Variants in KIAA0825 observed in about 807,000 individuals in gnomAD.
The protein encoded by KIAA0825 is KIAA0825, also known as uncharacterized protein KIAA0825.
KIAA0825 carries 119 observed loss-of-function variants against 147.6 expected under a neutral mutation model. The observed-to-expected ratio is 0.81, with a 90% CI of 0.69 to 0.94. The LOEUF is 0.94. KIAA0825 is among the 40% of genes least tolerant of loss of function. The probability of loss-of-function intolerance (pLI) is 0.00; values close to 1 mark genes in which losing one functional copy is unlikely to be tolerated. For missense variants in KIAA0825, 1,381 were observed against 1,472.7 expected (o/e 0.94, Z 1.02); for synonymous variants, 470 against 518.1 (o/e 0.91, Z 1.26).
intron 18 of KIAA0825, among the ~76,000 whole-genome samples, chr5:94,389,752 T>A (rs1749649490): frequency 6.6e-6 from 1 of 152,230 alleles, no homozygotes; most frequent in Non-Finnish European, 1.5e-5. Flanking sequence ...AAAGCAGTCA[T>A]AAGTACTATG....
chr5:94,359,721 GT>G lies in KIAA0825; in HGVS notation c.3710+24646del, dbSNP rs1294667015. Among the ~76,000 whole-genome samples the G allele has an allele frequency of 3.3e-5, 5 of 152,202 alleles. No individual in the cohort carries two copies. The East Asian group carries it at 7.7e-4, about 23-fold the overall frequency. On this transcript the variant is annotated intron_variant, in intron 20 of 20. Transcript: ENST00000682413. ...CTTCAGTAAGTCCCTCAAAACAAAT[GT>G]TTTCTAAACCATGAAATGGGAAAAT... is the stretch of plus-strand genomic sequence containing the variant.
rs1174154022 is a variant in KIAA0825, at chr5:94,214,868, CAACA to C, written c.3711-60748_3711-60745del. On this transcript the variant is annotated intron_variant, in intron 20 of 20. Transcript: ENST00000682413. ...GCCTGAGTTTTGAGGAAAAAACAAC[CAACA>C]AACAAACAACAAAACAAAATAAGAA... Among the ~76,000 whole-genome samples, 3 of 152,054 alleles carry C rather than the reference CAACA, an allele frequency of 2.0e-5. No individual in the cohort carries two copies. In the East Asian group the frequency reaches 5.8e-4, roughly 29 times the overall value.
rs893710243 is a variant in KIAA0825 at position 94,537,206 on chromosome 5, C to T, written c.-1-79G>A. On this transcript the variant is annotated intron_variant, in intron 2 of 20. Coordinates refer to ENST00000682413, the MANE Select transcript of KIAA0825 (RefSeq NM_001145678.3). ...GATAGGGGTGGGCAGAAATTCACCT[C>T]AAGTTGTGATACTAAACCAAAAATA... The T allele has an allele frequency of 6.8e-6, 8 of 1,174,894 alleles. 1 individual carries two copies. The highest frequency in any genetic ancestry group is 2.5e-5 in the Admixed American group (1 of 40,334). The allele number at this position is 1,174,894 out of a possible 1,614,324, so 72.8% of individuals were successfully genotyped here. A position where few individuals can be genotyped will look rare whatever the true frequency, so the allele number is the denominator to read the frequency against.
At chr5:94,594,821 C>T (rs1784977547) in intron 1 of KIAA0825, 1 of 445,590 alleles carries the variant, frequency 2.2e-6, no homozygotes, top group Non-Finnish European at 4.3e-6. Flanking sequence ...TGAGTGTTAT[C>T]ATGTGTCACA....
rs115172270 is a variant in KIAA0825, at chr5:94,606,178, C to T, written c.-153+12322G>A. ...TCACAAATGCCACAAAAATAAAATA[C>T]CTAAAAATACAGTTAACCAAGGAGG... On this transcript the variant is annotated intron_variant, in intron 1 of 20. Coordinates refer to ENST00000682413, the MANE Select transcript of KIAA0825 (RefSeq NM_001145678.3). 3.9e-3 allele frequency among the ~76,000 whole-genome samples: 587 copies of T among 152,140 alleles called. 2 individuals are homozygous for T. Among genetic ancestry groups the T allele is most frequent in the African/African-American group, 0.014 (566 of 41,512 alleles).
Position 94,580,065 on chromosome 5 carries a change from G to A in KIAA0825, c.-2+2368C>T, listed in dbSNP as rs1004479434. On this transcript the variant is annotated intron_variant, in intron 2 of 20. Transcript: ENST00000682413. Reference sequence around the variant, plus strand: ...CCAATGTGTAGGAAAAGTAGAGTTAGGACCACAAATGAAGATAAAATTTCA... The same window carrying A: ...CCAATGTGTAGGAAAAGTAGAGTTAAGACCACAAATGAAGATAAAATTTCA... Among the ~76,000 whole-genome samples, 3 of 152,022 alleles carry A rather than the reference G, an allele frequency of 2.0e-5. No homozygotes were observed. The East Asian group carries it at 5.8e-4, about 29-fold the overall frequency.
chr5:94,525,406 G>C (rs1769080713), intron 3 of KIAA0825, among the ~76,000 whole-genome samples: 2 of 151,824 alleles, frequency 1.3e-5, no homozygotes, highest in South Asian at 4.1e-4. Flanking sequence ...AAATTACCTT[G>C]AAACAAATAC....
chr5:94,462,264 T>C (rs1449498495), intron 12 of KIAA0825, 123 bp downstream of exon 12: 3 of 566,524 alleles, frequency 5.3e-6, no homozygotes, highest in East Asian at 6.4e-5. Flanking sequence ...GTTCACAGTA[T>C]CAAAAATGCA....
intron 20 of KIAA0825, among the ~76,000 whole-genome samples, chr5:94,165,819 G>C (rs1336507669): frequency 6.6e-6 from 1 of 152,146 alleles, no homozygotes; most frequent in African/African-American, 2.4e-5. Context: ...TGAACTCATG[G>C]ACATAGAGAG....
At chr5:94,321,523 T>C (rs1269599991) in intron 20 of KIAA0825, among the ~76,000 whole-genome samples, 2 of 151,992 alleles carry the variant, frequency 1.3e-5, no homozygotes, top group Non-Finnish European at 2.9e-5. Context: ...TAGAAGATGG[T>C]AGAGCTGAGA....
intron 6 of KIAA0825, among the ~76,000 whole-genome samples, chr5:94,479,441 A>G (rs1056318111): frequency 6.6e-5 from 10 of 152,176 alleles, no homozygotes; most frequent in Middle Eastern, 3.4e-3. Context: ...ATTTCTTTTT[A>G]TCGATGAATA....
chr5:94,612,595 T>C (rs1033215332), intron 1 of KIAA0825, among the ~76,000 whole-genome samples: 1 of 152,210 alleles, frequency 6.6e-6, no homozygotes, highest in African/African-American at 2.4e-5. Context: ...CATCTGCTTT[T>C]TGGAGAATTT....
At chr5:94,543,718 GTAGGATTAAGTT>G (rs1773790973) in intron 2 of KIAA0825, among the ~76,000 whole-genome samples, 1 of 152,092 alleles carries the variant, frequency 6.6e-6, no homozygotes, top group South Asian at 2.1e-4. Context: ...ATAGCTTTCA[GTAGGATTAAGTT>G]TAGGATTAAG....
At chr5:94,527,548 G>C (rs1769571919) in intron 3 of KIAA0825, among the ~76,000 whole-genome samples, 4 of 151,786 alleles carry the variant, frequency 2.6e-5, no homozygotes, top group Admixed American at 2.6e-4. Flanking sequence ...CCTCATAGCA[G>C]AGCTTAAAGA....
intron 20 of KIAA0825, among the ~76,000 whole-genome samples, chr5:94,244,985 T>C (rs1156944397): frequency 6.6e-6 from 1 of 152,240 alleles, no homozygotes; most frequent in Non-Finnish European, 1.5e-5. Flanking sequence ...CTAAGTGCTT[T>C]GCTATGCAAC....
chr5:94,450,399 T>C (rs571475941), intron 13 of KIAA0825, among the ~76,000 whole-genome samples: 74 of 148,090 alleles, frequency 5.0e-4, no homozygotes, highest in African/African-American at 1.8e-3. Context: ...ATCACTCCTT[T>C]GAGACTGTCT....
At chr5:94,396,009 C>A in intron 17 of KIAA0825, 92 bp downstream of exon 17, 1 of 1,184,490 alleles carries the variant, frequency 8.4e-7, no homozygotes, top group Non-Finnish European at 1.1e-6. Context: ...AATACTACTG[C>A]TGCCCATCTG....
chr5:94,351,643 C>A (rs1783684044), intron 20 of KIAA0825, among the ~76,000 whole-genome samples: 1 of 152,058 alleles, frequency 6.6e-6, no homozygotes, highest in South Asian at 2.1e-4. Flanking sequence ...GCAAAACTAA[C>A]CAAAAAGAAC....
chr5:94,499,104 G>A (rs1216664696), intron 5 of KIAA0825, among the ~76,000 whole-genome samples: 1 of 152,138 alleles, frequency 6.6e-6, no homozygotes, highest in Non-Finnish European at 1.5e-5. Context: ...ATTGCTCGTG[G>A]CAAAGCAGTT....
Sources: allele counts gnomAD v4.1 joint callset (sites outside exome capture counted in the v4.1 genomes callset), GRCh38; gene constraint gnomAD v4.1.1; transcripts MANE v1.5; gene names NCBI Gene and HGNC (gene_info 2026-07-23, HGNC 2026-07-21).